The following ZNF251 variants were observed in gnomAD, a reference collection of about 807,000 sequenced individuals.
The protein encoded by ZNF251 is zinc finger protein 251.
ZNF251 carries 14 observed loss-of-function variants against 13.5 expected under a neutral mutation model. The ratio of observed to expected loss-of-function variants is 1.04; its 90% CI spans 0.69 to 1.63. The LOEUF (loss-of-function observed/expected upper bound fraction) is 1.63, where lower values mean the gene tolerates loss of function less well. Among genes scored for constraint, ZNF251 ranks in the 40% most tolerant of loss-of-function variants. ZNF251 has a pLI of 0.00. For missense variants in ZNF251, 764 were observed against 834.9 expected, an observed-to-expected ratio of 0.92 and a Z score of 1.05; for synonymous variants, 287 against 295.2, an observed-to-expected ratio of 0.97 and a Z score of 0.28.
intron 4 of ZNF251, among the ~76,000 whole-genome samples, chr8:144,740,705 G>A (rs945437072): frequency 3.3e-5 from 5 of 151,784 alleles, no homozygotes; most frequent in Non-Finnish European, 7.4e-5. Context: ...AGGCTGAGGC[G>A]GGCAGATTGC....
chr8:144,733,020 G>A (rs186116655), intron 4 of ZNF251, among the ~76,000 whole-genome samples: 80 of 151,976 alleles, frequency 5.3e-4, no homozygotes, highest in Middle Eastern at 3.4e-3. Flanking sequence ...TCAGGAGTTC[G>A]AGAGCAGCCT....
intron 4 of ZNF251, among the ~76,000 whole-genome samples, chr8:144,742,309 C>T (rs1824198153): frequency 6.6e-6 from 1 of 151,922 alleles, no homozygotes; most frequent in African/African-American, 2.4e-5. Flanking sequence ...GGTCTTTGGG[C>T]TGAAGGGAAA....
intron 1 of ZNF251, 76 bp downstream of exon 1, chr8:144,755,328 GC>G (rs1824910826): frequency 7.8e-7 from 1 of 1,280,384 alleles, no homozygotes; most frequent in Admixed American, 2.3e-5. Context: ...ACTGGCCGCC[GC>G]CTCCCCGCGC....
intron 1 of ZNF251, 22 bp from the exon 2 acceptor site, chr8:144,754,825 C>A: frequency 6.5e-7 from 1 of 1,533,056 alleles, no homozygotes; most frequent in South Asian, 1.2e-5. Context: ...AGAACTCAGG[C>A]TCAGCCCCAT....
At chr8:144,727,061 A>AT (rs566820999) in intron 4 of ZNF251, among the ~76,000 whole-genome samples, 1 of 151,782 alleles carries the variant, frequency 6.6e-6, no homozygotes, top group East Asian at 1.9e-4. Context: ...CTGAAAAAAA[A>AT]TTTTTTTTAG....
chr8:144,722,923 A>C lies in ZNF251; in HGVS notation c.737T>G (p.Phe246Cys). The change falls in exon 5 of 5, where the codon TTT (phenylalanine) becomes TGT (cysteine). Residue 246 changes from phenylalanine to cysteine, a missense_variant. Coordinates refer to ENST00000292562, the MANE Select transcript of ZNF251 (RefSeq NM_138367.2). The surrounding 1 kb of genome is among the most constrained non-coding windows in gnomAD (Gnocchi z 4.8). The part of the protein sequence containing the change: ...PYECGRCGRA[F>C]THSSNLVLHH... The stretch of plus-strand genomic sequence containing the variant: ...CAGAACAAGATTTGAGCTGTGAGTA[A>C]AGGCTCGCCCACACCGGCCACATTC... 6.2e-7 allele frequency: 1 copy of C among 1,613,992 alleles called. No individual in the cohort carries two copies. The highest frequency in any genetic ancestry group is 8.5e-7 in the Non-Finnish European group (1 of 1,179,886).
At chr8:144,733,911 G>A (rs566800270) in intron 4 of ZNF251, among the ~76,000 whole-genome samples, 81 of 152,376 alleles carry the variant, frequency 5.3e-4, no homozygotes, top group African/African-American at 1.9e-3. Context: ...AGCATGAGAT[G>A]CTTCAGCTGC....
chr8:144,728,157 T>C (rs984445389), intron 4 of ZNF251, among the ~76,000 whole-genome samples: 3 of 152,158 alleles, frequency 2.0e-5, no homozygotes, highest in African/African-American at 7.2e-5. Context: ...GGGTTATTAA[T>C]TGGCCTAGTT....
chr8:144,728,535 C>T (rs1201378791), intron 4 of ZNF251, among the ~76,000 whole-genome samples: 15 of 151,514 alleles, frequency 9.9e-5, no homozygotes, highest in African/African-American at 2.9e-4. Context: ...TGGTGGTGGG[C>T]GCCTGTAGTC....
intron 4 of ZNF251, among the ~76,000 whole-genome samples, chr8:144,741,360 TCATA>T (rs1356444521): frequency 6.6e-6 from 1 of 151,950 alleles, no homozygotes; most frequent in Admixed American, 6.6e-5. Context: ...ACACACACAC[TCATA>T]CACACACTCA....
chr8:144,726,233 G>A (rs1402901323), intron 4 of ZNF251, among the ~76,000 whole-genome samples: 1 of 140,090 alleles, frequency 7.1e-6, no homozygotes, highest in Non-Finnish European at 1.5e-5. Flanking sequence ...TGCAAAGTTA[G>A]TATAGTATTA....
chr8:144,729,343 T>A (rs868804125), intron 4 of ZNF251, among the ~76,000 whole-genome samples: 9,872 of 149,600 alleles, frequency 0.066, 1,041 homozygotes, highest in African/African-American at 0.22. Context: ...TTATTTTTTT[T>A]TTTTTTTTTG....
At chr8:144,752,800 G>C (rs1403886859) in intron 4 of ZNF251, among the ~76,000 whole-genome samples, 1 of 152,144 alleles carries the variant, frequency 6.6e-6, no homozygotes, top group East Asian at 1.9e-4. Context: ...GTTGTAAAGT[G>C]TTATATGTTC....
intron 1 of ZNF251, 51 bp downstream of exon 1, chr8:144,755,354 C>G (rs1288231535): frequency 7.8e-7 from 1 of 1,285,826 alleles, no homozygotes; most frequent in Non-Finnish European, 1.0e-6. Flanking sequence ...CCCGCGCCCT[C>G]CCCGCCTGCC....
Position 144,722,740 on chromosome 8 carries a change from G to A in ZNF251, c.920C>T (p.Thr307Ile), listed in dbSNP as rs772614759. 1.2e-6 allele frequency: 2 copies of A among 1,613,768 alleles called. No individual in the cohort carries two copies. The highest frequency in any genetic ancestry group is 4.5e-5 in the East Asian group (2 of 44,860). Reference sequence around the variant, plus strand: ...GTGAATGATCCGATGTTGAATAAGAGTTGAGCTTCGACTGAAAGCCTTCCC... The same window carrying A: ...GTGAATGATCCGATGTTGAATAAGAATTGAGCTTCGACTGAAAGCCTTCCC... ...ECGKAFSRSSTLIQHRIIHTG... is the reference protein window; with the variant it reads ...ECGKAFSRSSILIQHRIIHTG... Residue 307 changes from threonine to isoleucine, a missense_variant, in exon 5 of 5, where the codon ACT becomes ATT. Coordinates refer to ENST00000292562, the MANE Select transcript of ZNF251 (RefSeq NM_138367.2). This position sits in a 1 kb window ranked among gnomAD's most constrained non-coding sequence, Gnocchi z 4.8.
At position 144,737,554 on chromosome 8, in the gene ZNF251, C is replaced by T. The variant is rs193262393; in HGVS notation, c.278-14172G>A. On this transcript the variant is annotated intron_variant, in intron 4 of 4. Transcript: ENST00000292562. ...ACAAAAAACCAGCTACGAGGCTGGGCGCAGTGGCTCACACCTGTAATCCCA... is the reference window on the plus strand; with the variant it reads ...ACAAAAAACCAGCTACGAGGCTGGGTGCAGTGGCTCACACCTGTAATCCCA... Among the ~76,000 whole-genome samples the T allele has an allele frequency of 7.3e-5, 11 of 151,628 alleles. No individual in the cohort carries two copies. In the South Asian group the frequency reaches 8.3e-4, roughly 12 times the overall value.
chr8:144,754,247 C>T lies in ZNF251; in HGVS notation c.108G>A (p.Gln36=), dbSNP rs1274615053. 6.2e-7 allele frequency: 1 copy of T among 1,614,038 alleles called. No homozygotes were observed. Among genetic ancestry groups the T allele is most frequent in the South Asian group, 1.1e-5 (1 of 91,076 alleles). Residue 36 remains glutamine, a synonymous_variant, in exon 3 of 5, where the codon CAG becomes CAA. Coordinates refer to ENST00000292562, the MANE Select transcript of ZNF251 (RefSeq NM_138367.2). ...GCATCACATCCCGGTAGAGCGCCCGCTGCTGGGGGCCCAGCTGCCGCCCCT... is the reference window on the plus strand; with the variant it reads ...GCATCACATCCCGGTAGAGCGCCCGTTGCTGGGGGCCCAGCTGCCGCCCCT... The part of the protein sequence containing the change: ...QAEGRQLGPQ[Q]RALYRDVMLE...
intron 4 of ZNF251, among the ~76,000 whole-genome samples, chr8:144,726,995 T>A (rs1823537658): frequency 6.6e-6 from 1 of 152,082 alleles, no homozygotes; most frequent in African/African-American, 2.4e-5. Context: ...TTGACATTAG[T>A]CAGTTATGAT....
chr8:144,754,845 G>A (rs1207576679), intron 1 of ZNF251, 42 bp from the exon 2 acceptor site: 5 of 1,492,456 alleles, frequency 3.4e-6, no homozygotes, highest in African/African-American at 1.4e-5. Context: ...TTCAACCAGG[G>A]GTGTGGAAGG....
Sources: allele counts gnomAD v4.1 joint callset (sites outside exome capture counted in the v4.1 genomes callset), GRCh38; gene constraint gnomAD v4.1.1; non-coding constraint Gnocchi (gnomAD v3.1); transcripts MANE v1.5; gene names NCBI Gene and HGNC (gene_info 2026-07-23, HGNC 2026-07-21).